The following KLF8 variants were observed in gnomAD, a reference collection of about 807,000 sequenced individuals.
KLF8 encodes Krueppel-like factor 8.
In KLF8, 10 loss-of-function variants were observed where a neutral mutation model predicts 18.2. That is an observed-to-expected ratio of 0.55 (90% CI 0.34 to 0.93). The LOEUF is 0.93. KLF8 is among the 40% of genes least tolerant of loss of function. KLF8 has a pLI of 0.02. For synonymous variants in KLF8, 109 were observed against 97.3 expected, an observed-to-expected ratio of 1.12 and a Z score of -0.71; for missense variants, 264 against 277.9, an observed-to-expected ratio of 0.95 and a Z score of 0.36.
At chrX:55,930,985 T>C in the KLF8 span, among the ~76,000 whole-genome samples, 1 of 111,878 alleles carries the variant, frequency 8.9e-6, no homozygotes, top group Admixed American at 9.5e-5. Flanking sequence ...GTACCTCAGG[T>C]AGAATTTGGC....
At chrX:56,250,094 G>A (rs1230995284) in intron 1 of KLF8, 137 bp from the exon 2 acceptor site, 2 of 451,299 alleles carry the variant, frequency 4.4e-6, no homozygotes, top group East Asian at 7.8e-5. Context: ...AAATCAGAAG[G>A]TTTCAATGAC....
At chrX:55,936,411 C>A in the KLF8 span, among the ~76,000 whole-genome samples, 6 of 112,136 alleles carry the variant, frequency 5.4e-5, no homozygotes, top group Non-Finnish European at 1.1e-4. Context: ...CCAAGATGGC[C>A]GAATAGGAAA....
chrX:56,089,556 A>G, the KLF8 span, among the ~76,000 whole-genome samples: 6 of 112,074 alleles, frequency 5.4e-5, no homozygotes, highest in African/African-American at 1.9e-4. Flanking sequence ...AAGCAGAACA[A>G]ACTGAAAATC....
chrX:56,112,022 CAT>C, the KLF8 span, among the ~76,000 whole-genome samples: 1 of 111,758 alleles, frequency 8.9e-6, no homozygotes, highest in African/African-American at 3.3e-5. Flanking sequence ...ACTATAAAGA[CAT>C]ATGCACACGT....
the KLF8 span, among the ~76,000 whole-genome samples, chrX:56,176,517 T>A: frequency 8.9e-6 from 1 of 111,838 alleles, no homozygotes; most frequent in African/African-American, 3.3e-5. Flanking sequence ...CCGACCTTTC[T>A]CTCTGGCTGC....
intron 1 of KLF8, chrX:56,243,416 G>A (rs1020054007): frequency 8.3e-6 from 2 of 239,848 alleles, no homozygotes; most frequent in Non-Finnish European, 7.7e-6. Context: ...CCATCTTATC[G>A]GGGTTTTCTG....
the KLF8 span, among the ~76,000 whole-genome samples, chrX:56,054,515 T>G: frequency 8.9e-6 from 1 of 112,106 alleles, no homozygotes; most frequent in South Asian, 3.7e-4. Flanking sequence ...ATTACATGAT[T>G]GATTTTAGAG....
At chrX:56,007,585 T>C in the KLF8 span, among the ~76,000 whole-genome samples, 1 of 111,291 alleles carries the variant, frequency 9.0e-6, no homozygotes, top group South Asian at 3.9e-4. Flanking sequence ...GCCTTAGAGG[T>C]TTCCTGTCAC....
the KLF8 span, among the ~76,000 whole-genome samples, chrX:56,172,982 G>A: frequency 1.9e-4 from 21 of 111,930 alleles, 1 homozygote; most frequent in South Asian, 2.2e-3. Context: ...TGAGTTCTTT[G>A]TAGATTCTGG....
the KLF8 span, among the ~76,000 whole-genome samples, chrX:56,191,754 A>G: frequency 1.8e-5 from 2 of 111,550 alleles, no homozygotes; most frequent in Non-Finnish European, 3.8e-5. Flanking sequence ...GATGCTAAAA[A>G]TGCATTTAAT....
chrX:56,094,356 C>T, the KLF8 span, among the ~76,000 whole-genome samples: 3 of 110,804 alleles, frequency 2.7e-5, no homozygotes, highest in Non-Finnish European at 5.7e-5. Flanking sequence ...AGAAAAATTG[C>T]CAGTTATCAA....
chrX:56,152,226 C>T, the KLF8 span, among the ~76,000 whole-genome samples: 2 of 111,434 alleles, frequency 1.8e-5, no homozygotes. Context: ...CTCTAACGTC[C>T]TTGTTGAATC....
At chrX:55,998,809 ATT>A in the KLF8 span, among the ~76,000 whole-genome samples, 1 of 89,765 alleles carries the variant, frequency 1.1e-5, no homozygotes. Context: ...TGGTCTTTTA[ATT>A]TTTTTTTTTT....
the KLF8 span, among the ~76,000 whole-genome samples, chrX:56,143,894 G>A: frequency 1.8e-5 from 2 of 112,123 alleles, no homozygotes; most frequent in African/African-American, 6.5e-5. Flanking sequence ...AAAAATCCAC[G>A]GGGTGAAATC....
At chrX:56,196,138 T>C in the KLF8 span, among the ~76,000 whole-genome samples, 2 of 111,748 alleles carry the variant, frequency 1.8e-5, no homozygotes, top group African/African-American at 6.5e-5. Flanking sequence ...TGCCAAATTG[T>C]AAAGACCATC....
the KLF8 span, among the ~76,000 whole-genome samples, chrX:55,984,354 T>C: frequency 3.6e-5 from 4 of 111,240 alleles, no homozygotes; most frequent in African/African-American, 6.5e-5. Context: ...TGAGAACATA[T>C]GGTATTTGGC....
At chrX:56,135,726 A>G in the KLF8 span, among the ~76,000 whole-genome samples, 1 of 111,746 alleles carries the variant, frequency 8.9e-6, no homozygotes, top group South Asian at 3.7e-4. Flanking sequence ...TAAAATAACA[A>G]CAATACAATT....
chrX:56,127,868 G>GA, the KLF8 span, among the ~76,000 whole-genome samples: 17 of 109,852 alleles, frequency 1.5e-4, no homozygotes, highest in African/African-American at 3.3e-4. Flanking sequence ...CCTCCAGAAA[G>GA]AAAAAAAACA....
the KLF8 span, among the ~76,000 whole-genome samples, chrX:56,014,562 A>G: frequency 4.4e-5 from 5 of 112,478 alleles, no homozygotes; most frequent in East Asian, 1.4e-3. Flanking sequence ...TGTGGAAGAC[A>G]GTGTGGCTAT....
Sources: allele counts gnomAD v4.1 joint callset (sites outside exome capture counted in the v4.1 genomes callset), GRCh38; gene constraint gnomAD v4.1.1; transcripts MANE v1.5; gene names NCBI Gene and HGNC (gene_info 2026-07-23, HGNC 2026-07-21).